PDPK1: variants seen among roughly 807,000 people sequenced by gnomAD.
PDPK1 encodes 3-phosphoinositide-dependent protein kinase 1.
Under a neutral mutation model 39.8 loss-of-function variants are expected in PDPK1, and 7 were observed. The observed-to-expected ratio is 0.18, with a 90% CI of 0.10 to 0.33. The LOEUF (loss-of-function observed/expected upper bound fraction) is 0.33. Ranked by LOEUF, PDPK1 falls within the 10% of genes least tolerant of loss-of-function variation. The pLI is 1.00. For missense variants in PDPK1, 182 were observed against 384.7 expected, an observed-to-expected ratio of 0.47 and a Z score of 4.41; for synonymous variants, 118 against 159.1, an observed-to-expected ratio of 0.74 and a Z score of 1.95.
In PDPK1 at chr16:2,597,112, T is replaced by C; in HGVS notation, c.1402-11T>C. 1 of 1,547,632 alleles carries C rather than the reference T, an allele frequency of 6.5e-7. No homozygotes were observed. Among genetic ancestry groups the C allele is most frequent in the Non-Finnish European group, 8.8e-7 (1 of 1,139,270 alleles). On this transcript the variant is annotated splice_polypyrimidine_tract_variant and intron_variant, in intron 12 of 13. Coordinates refer to ENST00000342085, the MANE Select transcript of PDPK1 (RefSeq NM_002613.5). The surrounding 1 kb of genome is among the most constrained non-coding windows in gnomAD (Gnocchi z 6.3). ...GCCTCTGAGGCCTGTTGTTTTGTGT[T>C]TTGGCGTCAGGGTTTATTTGCAAGA... is the stretch of plus-strand genomic sequence containing the variant.
chr16:2,585,956 G>A (rs1249058383), intron 10 of PDPK1, among the ~76,000 whole-genome samples: 2 of 152,228 alleles, frequency 1.3e-5, no homozygotes, highest in Non-Finnish European at 2.9e-5. Context: ...GAGCTCAGAT[G>A]TGGGGCCTGC....
chr16:2,590,223 C>G (rs964807049), intron 11 of PDPK1, among the ~76,000 whole-genome samples: 51 of 152,086 alleles, frequency 3.4e-4, no homozygotes, highest in Admixed American at 3.3e-3. Context: ...TGGGCTTAAG[C>G]AGTTCTCCTG....
In PDPK1 at chr16:2,602,928, GAATTC is replaced by G. The variant is rs1358245794; in HGVS notation, c.*5163_*5167del. 1 of 232,294 alleles carries G rather than the reference GAATTC, an allele frequency of 4.3e-6. No homozygotes were observed. Among genetic ancestry groups the G allele is most frequent in the Non-Finnish European group, 8.5e-6 (1 of 117,362 alleles). The allele number at this position is 232,294 out of a possible 1,614,324, so 14.4% of individuals were successfully genotyped here. A position where few individuals can be genotyped will look rare whatever the true frequency, so the allele number is the denominator to read the frequency against. On this transcript the variant is annotated 3_prime_UTR_variant, in exon 14 of 14. Coordinates refer to ENST00000342085, the MANE Select transcript of PDPK1 (RefSeq NM_002613.5). ...TTCTAATATATGAATTATTTGAATTGAATTCATGTTCGGGGCCACGTTGTTGTATG... is the reference window on the plus strand; with the variant it reads ...TTCTAATATATGAATTATTTGAATTGATGTTCGGGGCCACGTTGTTGTATG...
Position 2,597,197 on chromosome 16 carries a change from AGTT to A in PDPK1, c.1477_1479del (p.Val493del). ...TATATTATGTGGATCCTGTCAACAA[AGTT>A]CTGAAAGGTGAAATTCCTTGGTCAC... On this transcript the variant is annotated inframe_deletion, in exon 13 of 14. Coordinates refer to ENST00000342085, the MANE Select transcript of PDPK1 (RefSeq NM_002613.5). This position sits in a 1 kb window ranked among gnomAD's most constrained non-coding sequence, Gnocchi z 6.3. The A allele has an allele frequency of 6.3e-7, 1 of 1,594,564 alleles. No homozygotes were observed. The highest frequency in any genetic ancestry group is 8.6e-7 in the Non-Finnish European group (1 of 1,163,916).
intron 1 of PDPK1, among the ~76,000 whole-genome samples, chr16:2,546,827 A>C (rs1252848081): frequency 4.6e-5 from 7 of 151,970 alleles, no homozygotes; most frequent in African/African-American, 1.7e-4. Flanking sequence ...GTAGAGCTGC[A>C]GCTATATCCG....
chr16:2,594,936 A>G (rs2067069952), intron 11 of PDPK1, among the ~76,000 whole-genome samples: 1 of 152,182 alleles, frequency 6.6e-6, no homozygotes, highest in African/African-American at 2.4e-5. Context: ...CCTGGCTAAC[A>G]CGGTGAAACC....
intron 7 of PDPK1, among the ~76,000 whole-genome samples, chr16:2,577,825 G>A (rs1197965321): frequency 6.7e-6 from 1 of 149,186 alleles, no homozygotes; most frequent in Non-Finnish European, 1.5e-5. Flanking sequence ...TGCAACCTCC[G>A]CCTCCCGGGT....
At chr16:2,594,949 G>A (rs955241855) in intron 11 of PDPK1, among the ~76,000 whole-genome samples, 9 of 152,004 alleles carry the variant, frequency 5.9e-5, no homozygotes, top group East Asian at 1.9e-4. Flanking sequence ...GTGAAACCCC[G>A]TCTCTACTAA....
At chr16:2,585,014 T>C (rs2066836853) in intron 10 of PDPK1, among the ~76,000 whole-genome samples, 1 of 152,186 alleles carries the variant, frequency 6.6e-6, no homozygotes, top group African/African-American at 2.4e-5. Context: ...CGCGACTGGC[T>C]GGTGGCCGTT....
intron 7 of PDPK1, among the ~76,000 whole-genome samples, chr16:2,578,233 G>A (rs2066755162): frequency 6.9e-6 from 1 of 145,030 alleles, no homozygotes; most frequent in South Asian, 2.2e-4. Flanking sequence ...GCGGGTGTGG[G>A]AGGGAGGAGG....
At chr16:2,550,261 A>G (rs959491621) in intron 1 of PDPK1, among the ~76,000 whole-genome samples, 2 of 150,372 alleles carry the variant, frequency 1.3e-5, no homozygotes, top group Non-Finnish European at 2.9e-5. Flanking sequence ...ATTTATTTTA[A>G]ACAACAGCAT....
rs1313009358 is a variant in PDPK1, at chr16:2,601,926, G to A, written c.*4159G>A. 4.3e-6 allele frequency: 1 copy of A among 232,708 alleles called. No homozygotes were observed. Among genetic ancestry groups the A allele is most frequent in the Non-Finnish European group, 8.5e-6 (1 of 117,034 alleles). The allele number at this position is 232,708 out of a possible 1,614,324, so 14.4% of individuals were successfully genotyped here. A position where few individuals can be genotyped will look rare whatever the true frequency, so the allele number is the denominator to read the frequency against. On this transcript the variant is annotated 3_prime_UTR_variant, in exon 14 of 14. Transcript: ENST00000342085. ...GTAGTTGGGGTCCATTGATTGTGCA[G>A]GGGAACGTGCAGGAGGTTTTTCTAG...
chr16:2,590,765 C>A (rs1218561191), intron 11 of PDPK1, among the ~76,000 whole-genome samples: 1 of 152,156 alleles, frequency 6.6e-6, no homozygotes, highest in Non-Finnish European at 1.5e-5. Flanking sequence ...GAGCCTGATA[C>A]CTTCCCAATA....
In PDPK1 at chr16:2,586,709, C is replaced by G. The variant is rs1167163560; in HGVS notation, c.1159C>G (p.Gln387Glu). 1 of 1,614,140 alleles carries G rather than the reference C, an allele frequency of 6.2e-7. No individual in the cohort carries two copies. Among genetic ancestry groups the G allele is most frequent in the Non-Finnish European group, 8.5e-7 (1 of 1,180,048 alleles). ...TCTCCTGAGCCAGTTTGGCTGCATG[C>G]AGGTGTCTTCGTCCTCCTCCTCACA... ...DNLLSQFGCMQVSSSSSSHSL... is the reference protein window; with the variant it reads ...DNLLSQFGCMEVSSSSSSHSL... Residue 387 changes from glutamine (Q) to glutamate (E), a missense_variant, in exon 11 of 14, where the codon CAG (glutamine) becomes GAG (glutamate). This residue lies in a region of PDPK1 where 90 missense variants were observed against 111.9 expected (regional missense o/e 0.80). Coordinates refer to ENST00000342085, the MANE Select transcript of PDPK1 (RefSeq NM_002613.5).
chr16:2,586,891 T>G lies in PDPK1; in HGVS notation c.1341T>G (p.Pro447=). 5 of 1,613,922 alleles carry G rather than the reference T, an allele frequency of 3.1e-6. No homozygotes were observed. Among genetic ancestry groups the G allele is most frequent in the Non-Finnish European group, 4.2e-6 (5 of 1,179,774 alleles). Residue 447 remains proline, a splice_region_variant and synonymous_variant, in exon 11 of 14, where the codon CCT becomes CCG. Coordinates refer to ENST00000342085, the MANE Select transcript of PDPK1 (RefSeq NM_002613.5). ...TGGAGAAGCAGGCTGGCGGAAACCCTTGGTAAGAACTTATGGACATAAGCA... is the reference window on the plus strand; with the variant it reads ...TGGAGAAGCAGGCTGGCGGAAACCCGTGGTAAGAACTTATGGACATAAGCA... ...LLLEKQAGGN[P]WHQFVENNLI... is the part of the protein sequence containing the mutation.
intron 1 of PDPK1, among the ~76,000 whole-genome samples, chr16:2,541,579 A>G (rs2066245879): frequency 6.6e-6 from 1 of 152,158 alleles, no homozygotes; most frequent in Non-Finnish European, 1.5e-5. Context: ...TCCCCCAAGC[A>G]GGTGCGAGGG....
At chr16:2,589,248 G>A (rs913443649) in intron 11 of PDPK1, among the ~76,000 whole-genome samples, 4 of 152,250 alleles carry the variant, frequency 2.6e-5, no homozygotes, top group African/African-American at 7.2e-5. Context: ...GAGCCACCGC[G>A]CCAGCCAATG....
intron 1 of PDPK1, among the ~76,000 whole-genome samples, chr16:2,542,202 C>G (rs2066257183): frequency 6.6e-6 from 1 of 152,250 alleles, no homozygotes; most frequent in Non-Finnish European, 1.5e-5. Flanking sequence ...TTCTGTCACG[C>G]AGGCTGGAGT....
At position 2,599,841 on chromosome 16, in the gene PDPK1, A is replaced by C. The variant is rs1397168589; in HGVS notation, c.*2074A>C. The stretch of plus-strand genomic sequence containing the variant: ...GCAGGGACGTGGCTTTAATTGGAGC[A>C]CTCGGCTGGGCTGCTTGGGGAGACT... On this transcript the variant is annotated 3_prime_UTR_variant, in exon 14 of 14. Transcript: ENST00000342085. The C allele has an allele frequency of 1.7e-5, 4 of 233,876 alleles. No homozygotes were observed. The allele number at this position is 233,876 out of a possible 1,614,324, so 14.5% of individuals were successfully genotyped here.
Sources: gnomAD v4.1 joint callset for allele counts (sites outside exome capture counted in the v4.1 genomes callset) on GRCh38, gnomAD v4.1.1 for gene constraint, gnomAD v4.1.1 regional missense constraint, Gnocchi (gnomAD v3.1) non-coding constraint, MANE v1.5 for transcripts, NCBI Gene and HGNC (gene_info 2026-07-23, HGNC 2026-07-21) for gene names.